The following BRINP1 variants were observed in gnomAD, a reference collection of about 807,000 sequenced individuals.
The protein encoded by BRINP1 is BMP/retinoic acid inducible neural specific 1.
In BRINP1, 17 loss-of-function variants were observed where a neutral mutation model predicts 72.9. The ratio of observed to expected loss-of-function variants is 0.23; its 90% CI spans 0.16 to 0.35. The LOEUF (loss-of-function observed/expected upper bound fraction) is 0.35, where lower values mean the gene tolerates loss of function less well. Ranked by LOEUF, BRINP1 falls within the 10% of genes least tolerant of loss-of-function variation. The pLI is 1.00. For synonymous variants in BRINP1, 418 were observed against 378.5 expected (o/e 1.10, Z -1.21); for missense variants, 850 against 1,001.6 (o/e 0.85, Z 2.04).
intron 3 of BRINP1, among the ~76,000 whole-genome samples, chr9:119,247,321 A>G (rs1469027422): frequency 1.6e-5 from 2 of 126,218 alleles, no homozygotes; most frequent in African/African-American, 2.8e-5. Context: ...TGGTTGGTGG[A>G]GCGGGTATTG....
intron 2 of BRINP1, among the ~76,000 whole-genome samples, chr9:119,271,276 G>C (rs1221139): frequency 0.88 from 132,295 of 150,754 alleles, 58,696 homozygotes; most frequent in East Asian, 0.99. Context: ...TAAATGGTGA[G>C]AGAGAATGAT....
At chr9:119,173,361 A>C (rs960938737) in intron 7 of BRINP1, among the ~76,000 whole-genome samples, 2 of 146,294 alleles carry the variant, frequency 1.4e-5, no homozygotes, top group African/African-American at 5.1e-5. Flanking sequence ...GAGCCAAATC[A>C]TGAGTGAACT....
chr9:119,355,684 G>A (rs922061747), intron 1 of BRINP1, among the ~76,000 whole-genome samples: 22 of 147,312 alleles, frequency 1.5e-4, no homozygotes, highest in Middle Eastern at 3.6e-3. Context: ...AGCTGAGATC[G>A]CACCACTGCA....
rs547433711 is a variant in BRINP1 at position 119,340,712 on chromosome 9, A to C, written c.-50-27307T>G. On this transcript the variant is annotated intron_variant, in intron 1 of 7. Coordinates refer to ENST00000265922, the MANE Select transcript of BRINP1 (RefSeq NM_014618.3). Reference sequence around the variant, plus strand: ...GTTGTTGGGAGACGAGAAATAAAAAATGCCAAATGCCCAACCTATGATGGG... The same window carrying C: ...GTTGTTGGGAGACGAGAAATAAAAACTGCCAAATGCCCAACCTATGATGGG... Among the ~76,000 whole-genome samples, 3 of 152,316 alleles carry C rather than the reference A, an allele frequency of 2.0e-5. No homozygotes were observed. The South Asian group carries it at 6.2e-4, about 32-fold the overall frequency.
chr9:119,170,094 G>T (rs1232684915), intron 7 of BRINP1, among the ~76,000 whole-genome samples: 1 of 152,166 alleles, frequency 6.6e-6, no homozygotes, highest in Non-Finnish European at 1.5e-5. Flanking sequence ...CCAAAGGAAC[G>T]CAGTTCCTCA....
chr9:119,217,224 A>G (rs1829987702), intron 5 of BRINP1, among the ~76,000 whole-genome samples: 1 of 151,920 alleles, frequency 6.6e-6, no homozygotes, highest in Non-Finnish European at 1.5e-5. Context: ...AATAATTTGG[A>G]GGGGGATTTG....
intron 2 of BRINP1, among the ~76,000 whole-genome samples, chr9:119,304,700 T>G (rs186669616): frequency 3.1e-4 from 47 of 152,384 alleles, no homozygotes; most frequent in South Asian, 1.4e-3. Context: ...TAAGCCTGGA[T>G]GCTGCACGGG....
chr9:119,252,188 G>C (rs768720023), intron 2 of BRINP1, among the ~76,000 whole-genome samples: 1 of 152,104 alleles, frequency 6.6e-6, no homozygotes, highest in African/African-American at 2.4e-5. Flanking sequence ...AACAGCTTCC[G>C]AGGAAATGAG....
chr9:119,252,543 T>TATAGTC (rs1830401316), intron 2 of BRINP1, among the ~76,000 whole-genome samples: 1 of 149,746 alleles, frequency 6.7e-6, no homozygotes, highest in Non-Finnish European at 1.5e-5. Context: ...GAAAAATATA[T>TATAGTC]ATAGTCATAC....
chr9:119,281,222 T>C lies in BRINP1; in HGVS notation c.218+31916A>G, dbSNP rs150803353. Among the ~76,000 whole-genome samples the C allele has an allele frequency of 1.3e-4, 20 of 152,350 alleles. No individual in the cohort carries two copies. The East Asian group carries it at 3.9e-3, about 29-fold the overall frequency. On this transcript the variant is annotated intron_variant, in intron 2 of 7. Coordinates refer to ENST00000265922, the MANE Select transcript of BRINP1 (RefSeq NM_014618.3). ...CCTTTCATGCCTGGCCTGGCAGAGA[T>C]ACTTCTCTGAATATGGGATATTTTA...
intron 5 of BRINP1, 66 bp downstream of exon 5, chr9:119,238,589 C>G: frequency 1.0e-6 from 1 of 961,156 alleles, no homozygotes; most frequent in Non-Finnish European, 1.6e-6. Flanking sequence ...TCCTGATCCC[C>G]TCTCCCACAT....
At chr9:119,290,746 T>A (rs908923898) in intron 2 of BRINP1, among the ~76,000 whole-genome samples, 1 of 152,096 alleles carries the variant, frequency 6.6e-6, no homozygotes, top group African/African-American at 2.4e-5. Context: ...TATGGAAGAC[T>A]TCAATAAAAC....
At chr9:119,191,560 AG>A (rs1829684321) in intron 7 of BRINP1, among the ~76,000 whole-genome samples, 1 of 151,920 alleles carries the variant, frequency 6.6e-6, no homozygotes, top group Non-Finnish European at 1.5e-5. Context: ...AATTTGACCA[AG>A]GAAGTTAAAG....
intron 1 of BRINP1, among the ~76,000 whole-genome samples, chr9:119,348,498 T>C (rs1831471460): frequency 6.6e-6 from 1 of 152,220 alleles, no homozygotes; most frequent in Non-Finnish European, 1.5e-5. Flanking sequence ...CTGGATTCTA[T>C]GGTAAGAGTA....
chr9:119,325,096 G>C (rs1187712598), intron 1 of BRINP1, among the ~76,000 whole-genome samples: 1 of 151,678 alleles, frequency 6.6e-6, no homozygotes, highest in Non-Finnish European at 1.5e-5. Context: ...GTGAAACTCT[G>C]TCAAAAGGAA....
At chr9:119,286,216 T>C (rs985403525) in intron 2 of BRINP1, among the ~76,000 whole-genome samples, 2 of 150,910 alleles carry the variant, frequency 1.3e-5, no homozygotes, top group Non-Finnish European at 1.5e-5. Context: ...GCATCGAGAG[T>C]GTTATCGCCA....
intron 1 of BRINP1, among the ~76,000 whole-genome samples, chr9:119,331,146 C>T (rs568874241): frequency 1.3e-4 from 20 of 152,244 alleles, no homozygotes; most frequent in Middle Eastern, 3.4e-3. Flanking sequence ...GTCCATGATT[C>T]GACTTAAAGA....
At chr9:119,277,912 C>T (rs1830672445) in intron 2 of BRINP1, among the ~76,000 whole-genome samples, 1 of 152,124 alleles carries the variant, frequency 6.6e-6, no homozygotes, top group South Asian at 2.1e-4. Flanking sequence ...GAGGTTACCC[C>T]CCTACCTCTG....
intron 2 of BRINP1, chr9:119,283,058 A>T: frequency 3.0e-6 from 3 of 985,442 alleles, no homozygotes; most frequent in Non-Finnish European, 3.6e-6. Flanking sequence ...AAGGATACAG[A>T]GTTACGGAGA....
Sources: allele counts gnomAD v4.1 joint callset (sites outside exome capture counted in the v4.1 genomes callset), GRCh38; gene constraint gnomAD v4.1.1; transcripts MANE v1.5; gene names NCBI Gene and HGNC (gene_info 2026-07-23, HGNC 2026-07-21).